The following MTHFD2L variants were observed in gnomAD, a reference collection of about 807,000 sequenced individuals.
MTHFD2L encodes the protein methylenetetrahydrofolate dehydrogenase (NADP+ dependent) 2 like, also known as bifunctional methylenetetrahydrofolate dehydrogenase/cyclohydrolase 2, mitochondrial.
A neutral mutation model predicts 34.9 loss-of-function variants in MTHFD2L; 29 were observed. That is an observed-to-expected ratio of 0.83 (90% CI 0.62 to 1.13). The LOEUF (loss-of-function observed/expected upper bound fraction) is 1.13. Ranked by LOEUF, MTHFD2L falls within the 50% of genes most tolerant of loss-of-function variation. The probability of loss-of-function intolerance (pLI) is 0.00; values close to 1 mark genes in which losing one functional copy is unlikely to be tolerated. For synonymous variants in MTHFD2L, 167 were observed against 155.7 expected, an observed-to-expected ratio of 1.07 and a Z score of -0.54; for missense variants, 481 against 446.5, an observed-to-expected ratio of 1.08 and a Z score of -0.70.
At chr4:74,174,473 T>G (rs749877060) in intron 1 of MTHFD2L, 33 bp from the exon 2 acceptor site, 1 of 1,363,038 alleles carries the variant, frequency 7.3e-7, no homozygotes, top group South Asian at 2.1e-5. Context: ...TTTCTTATTT[T>G]CTTTTTAGTA....
In MTHFD2L at chr4:74,258,000, A is replaced by G. The variant is rs11733565; in HGVS notation, c.806-23425A>G. On this transcript the variant is annotated intron_variant, in intron 6 of 7. Coordinates refer to ENST00000325278, the MANE Select transcript of MTHFD2L (RefSeq NM_001144978.3). ...TATATGAAAAAGCTCGACATCAGTA[A>G]TCAAGGAAATGCAGATCAAAACTGT... Among the ~76,000 whole-genome samples, 390 of 152,272 alleles carry G rather than the reference A, an allele frequency of 2.6e-3. 1 individual carries two copies. The highest frequency in any genetic ancestry group is 0.014 in the Middle Eastern group (4 of 294).
intron 1 of MTHFD2L, among the ~76,000 whole-genome samples, chr4:74,168,284 A>T (rs1241543596): frequency 3.3e-5 from 5 of 152,152 alleles, no homozygotes; most frequent in African/African-American, 1.2e-4. Context: ...CACTGCAACC[A>T]TTGGCCTCTT....
chr4:74,296,335 G>A (rs1749628073), intron 7 of MTHFD2L, among the ~76,000 whole-genome samples: 1 of 152,114 alleles, frequency 6.6e-6, no homozygotes, highest in Admixed American at 6.6e-5. Context: ...TGGCTGACAT[G>A]GTGGACTGGG....
At position 74,160,119 on chromosome 4, in the gene MTHFD2L, C is replaced by T. The variant is rs770362997; in HGVS notation, c.143+1838C>T. On this transcript the variant is annotated intron_variant, in intron 1 of 7. Coordinates refer to ENST00000325278, the MANE Select transcript of MTHFD2L (RefSeq NM_001144978.3). ...CACTGTCTGCCTCCCCACTTGTCCC[C>T]ATCCACAGTCATCTTTTTTATATAT... 6 of 1,280,736 alleles carry T rather than the reference C, an allele frequency of 4.7e-6. No individual in the cohort carries two copies. The South Asian group carries it at 7.4e-5, about 16-fold the overall frequency. 79.3% of individuals were successfully genotyped at this position (1,280,736 alleles called of 1,614,324 possible).
intron 6 of MTHFD2L, among the ~76,000 whole-genome samples, chr4:74,257,215 T>A (rs1238995710): frequency 6.6e-6 from 1 of 152,190 alleles, no homozygotes; most frequent in Non-Finnish European, 1.5e-5. Flanking sequence ...TGTATGTGCT[T>A]GGCTATTGTA....
intron 7 of MTHFD2L, 114 bp downstream of exon 7, chr4:74,281,664 C>A: frequency 9.7e-7 from 1 of 1,029,480 alleles, no homozygotes; most frequent in East Asian, 2.7e-5. Flanking sequence ...TAATCATCAC[C>A]TCTTTCTTCT....
At chr4:74,222,529 C>T (rs1335865378) in intron 5 of MTHFD2L, among the ~76,000 whole-genome samples, 1 of 152,106 alleles carries the variant, frequency 6.6e-6, no homozygotes, top group African/African-American at 2.4e-5. Flanking sequence ...GGTTCCACCT[C>T]TTAATATTGT....
intron 1 of MTHFD2L, among the ~76,000 whole-genome samples, chr4:74,136,232 ACT>A (rs1022975941): frequency 1.3e-5 from 2 of 151,922 alleles, no homozygotes; most frequent in African/African-American, 4.8e-5. Flanking sequence ...AAACCTAAAG[ACT>A]CTACCAAAAA....
intron 3 of MTHFD2L, among the ~76,000 whole-genome samples, chr4:74,179,889 G>T (rs1265085162): frequency 6.6e-6 from 1 of 151,914 alleles, no homozygotes; most frequent in Non-Finnish European, 1.5e-5. Flanking sequence ...TCAGGTTGCG[G>T]TGTAACAGTG....
chr4:74,204,951 A>T (rs181996023), intron 5 of MTHFD2L, among the ~76,000 whole-genome samples: 8 of 152,312 alleles, frequency 5.3e-5, no homozygotes, highest in Middle Eastern at 3.4e-3. Flanking sequence ...TCGTGTTATG[A>T]AATATTCTCA....
upstream of MTHFD2L, among the ~76,000 whole-genome samples, chr4:74,120,923 G>C (rs1196774884): frequency 5.9e-5 from 9 of 152,186 alleles, no homozygotes; most frequent in Non-Finnish European, 1.0e-4. Flanking sequence ...TATTCAACCT[G>C]TTCAGGGAAT....
intron 2 of MTHFD2L, 91 bp from the exon 3 acceptor site, chr4:74,175,190 A>G (rs989779113): frequency 5.2e-6 from 7 of 1,355,652 alleles, no homozygotes; most frequent in Non-Finnish European, 7.1e-6. Context: ...CTTTCACGGC[A>G]GTAGGAACAG....
At chr4:74,157,407 T>C, upstream of MTHFD2L, 1 of 321,860 alleles carries the variant, frequency 3.1e-6, no homozygotes, top group Non-Finnish European at 6.1e-6. Flanking sequence ...GCAAAATGAA[T>C]GGACAGTCTA....
At chr4:74,216,626 C>A (rs1191694237) in intron 5 of MTHFD2L, among the ~76,000 whole-genome samples, 2 of 151,726 alleles carry the variant, frequency 1.3e-5, no homozygotes, top group African/African-American at 2.4e-5. Flanking sequence ...ATGTCTAATA[C>A]CCATCTCAAT....
intron 1 of MTHFD2L, among the ~76,000 whole-genome samples, chr4:74,146,307 A>G (rs1373908364): frequency 1.3e-5 from 2 of 152,002 alleles, no homozygotes; most frequent in Non-Finnish European, 2.9e-5. Flanking sequence ...GTGGTCTATG[A>G]CTCCTAAGTT....
chr4:74,285,157 A>G (rs1422675971), intron 7 of MTHFD2L, among the ~76,000 whole-genome samples: 1 of 151,844 alleles, frequency 6.6e-6, no homozygotes, highest in African/African-American at 2.4e-5. Flanking sequence ...ACTTGGACAC[A>G]GGAAGGGAAA....
chr4:74,220,799 C>T (rs904056272), intron 5 of MTHFD2L, among the ~76,000 whole-genome samples: 1 of 151,184 alleles, frequency 6.6e-6, no homozygotes, highest in Non-Finnish European at 1.5e-5. Flanking sequence ...TGAATTATCT[C>T]AATGTTTCTT....
At chr4:74,300,463 T>C (rs117578972) in intron 7 of MTHFD2L, among the ~76,000 whole-genome samples, 1 of 152,178 alleles carries the variant, frequency 6.6e-6, no homozygotes, top group East Asian at 1.9e-4. Flanking sequence ...TTTATTTTGA[T>C]TCATGCAGAA....
intron 1 of MTHFD2L, among the ~76,000 whole-genome samples, chr4:74,153,032 G>A (rs1480033057): frequency 3.9e-5 from 6 of 152,052 alleles, no homozygotes; most frequent in South Asian, 2.1e-4. Context: ...CTCCACTCCT[G>A]GTTTTCTGGA....
Sources: allele counts gnomAD v4.1 joint callset (sites outside exome capture counted in the v4.1 genomes callset), GRCh38; gene constraint gnomAD v4.1.1; transcripts MANE v1.5; gene names NCBI Gene and HGNC (gene_info 2026-07-23, HGNC 2026-07-21).